The following MAST2 variants were observed in gnomAD, a reference collection of about 807,000 sequenced individuals.
The protein encoded by MAST2 is microtubule associated serine/threonine kinase 2, also known as microtubule-associated serine/threonine-protein kinase 2.
Under a neutral mutation model 147.4 loss-of-function variants are expected in MAST2, and 70 were observed. The observed-to-expected ratio is 0.47, with a 90% confidence interval of 0.39 to 0.58. MAST2 has a LOEUF of 0.58. Among genes scored for constraint, MAST2 ranks in the 20% least tolerant of loss-of-function variants. The pLI, the probability that MAST2 is intolerant of heterozygous loss-of-function variation, is 0.00. For synonymous variants in MAST2, 869 were observed against 896.8 expected (o/e 0.97, Z 0.55); for missense variants, 2,080 against 2,302.3 (o/e 0.90, Z 1.98).
rs115903927 is a variant in MAST2, at chr1:45,944,729, C to T, written c.501-14657C>T. The stretch of plus-strand genomic sequence containing the variant: ...AACTCAGAGTGATTATTTTCTAGTC[C>T]CCTTGCATATTTATTTGCCATCATG... On this transcript the variant is annotated intron_variant, in intron 4 of 28. Coordinates refer to ENST00000361297, the MANE Select transcript of MAST2 (RefSeq NM_015112.3). Among the ~76,000 whole-genome samples, 359 of 152,216 alleles carry T rather than the reference C, an allele frequency of 2.4e-3. 2 individuals are homozygous for T. Among genetic ancestry groups the T allele is most frequent in the African/African-American group, 8.4e-3 (350 of 41,530 alleles).
At chr1:45,929,624 A>G (rs964290878) in intron 4 of MAST2, among the ~76,000 whole-genome samples, 1 of 152,310 alleles carries the variant, frequency 6.6e-6, no homozygotes, top group Non-Finnish European at 1.5e-5. Context: ...GCTGATCCTG[A>G]TGGCCTCATT....
intron 3 of MAST2, among the ~76,000 whole-genome samples, chr1:45,872,354 G>A (rs948672725): frequency 4.6e-5 from 7 of 152,078 alleles, no homozygotes; most frequent in Non-Finnish European, 1.0e-4. Flanking sequence ...TGGGGGTAGC[G>A]GTTACTGCCT....
At chr1:45,849,530 CTTTTT>C (rs71062718) in intron 3 of MAST2, among the ~76,000 whole-genome samples, 2 of 138,632 alleles carry the variant, frequency 1.4e-5, no homozygotes, top group Non-Finnish European at 3.2e-5. Context: ...CCCCTCTTTT[CTTTTT>C]TTTTTTTTTG....
Position 46,034,772 on chromosome 1 carries a change from G to T in MAST2, c.4103G>T (p.Gly1368Val), listed in dbSNP as rs372563937. Residue 1368 changes from glycine to valine, a missense_variant, in exon 29 of 29, where the codon GGC (glycine) becomes GTC (valine). Transcript: ENST00000361297. ...CAGCGGTCCCCATCGCCCCTGTCTGGCCATGTAGCCCAGGCCTTTCCCACA... is the reference window on the plus strand; with the variant it reads ...CAGCGGTCCCCATCGCCCCTGTCTGTCCATGTAGCCCAGGCCTTTCCCACA... Reference protein sequence around the residue: ...SPQRSPSPLSGHVAQAFPTKL... With the variant: ...SPQRSPSPLSVHVAQAFPTKL... 6.2e-7 allele frequency: 1 copy of T among 1,613,820 alleles called. No homozygotes were observed. The highest frequency in any genetic ancestry group is 8.5e-7 in the Non-Finnish European group (1 of 1,180,024).
At chr1:45,860,877 T>G (rs902068864) in intron 3 of MAST2, among the ~76,000 whole-genome samples, 4 of 152,264 alleles carry the variant, frequency 2.6e-5, no homozygotes, top group East Asian at 1.9e-4. Flanking sequence ...TGCTATTATC[T>G]TTGTTATTTT....
intron 3 of MAST2, among the ~76,000 whole-genome samples, chr1:45,842,472 C>T (rs1256852829): frequency 3.9e-5 from 6 of 152,110 alleles, no homozygotes; most frequent in Non-Finnish European, 7.4e-5. Context: ...GCCCTTTCTC[C>T]CCACTCCCCT....
Position 46,002,892 on chromosome 1 carries a change from C to A in MAST2, c.747+9C>A, listed in dbSNP as rs1327313732. The A allele has an allele frequency of 6.2e-7, 1 of 1,613,512 alleles. No individual in the cohort carries two copies. Among genetic ancestry groups the A allele is most frequent in the East Asian group, 2.2e-5 (1 of 44,868 alleles). ...CTAGCTCCACTGTCTCAGTAAGTAG[C>A]CAAATCTGTGGCCATACTTCCTTCA... is the stretch of plus-strand genomic sequence containing the variant. On this transcript the variant is annotated intron_variant, in intron 7 of 28. Transcript: ENST00000361297.
chr1:45,846,054 C>T (rs1645423861), intron 3 of MAST2, among the ~76,000 whole-genome samples: 1 of 152,186 alleles, frequency 6.6e-6, no homozygotes, highest in African/African-American at 2.4e-5. Context: ...GCCACTGTGC[C>T]TGGCCTCTTT....
intron 3 of MAST2, among the ~76,000 whole-genome samples, chr1:45,840,378 A>G (rs1252628217): frequency 6.6e-6 from 1 of 152,212 alleles, no homozygotes; most frequent in Non-Finnish European, 1.5e-5. Flanking sequence ...TACTCAAGAA[A>G]ATATATTTGA....
chr1:45,847,811 C>T (rs1381996043), intron 3 of MAST2, among the ~76,000 whole-genome samples: 1 of 152,162 alleles, frequency 6.6e-6, no homozygotes, highest in Admixed American at 6.5e-5. Flanking sequence ...GCCTCAGCTT[C>T]CCAAAGGGTG....
chr1:45,846,040 A>G (rs1329926256), intron 3 of MAST2, among the ~76,000 whole-genome samples: 1 of 152,196 alleles, frequency 6.6e-6, no homozygotes, highest in Non-Finnish European at 1.5e-5. Flanking sequence ...GATTACAGGC[A>G]TGAGCCACTG....
rs145392706 is a variant in MAST2, at chr1:45,826,688, A to G, written c.325+2108A>G. Among the ~76,000 whole-genome samples, 137 of 152,214 alleles carry G rather than the reference A, an allele frequency of 9.0e-4. 1 individual carries two copies. Among genetic ancestry groups the G allele is most frequent in the African/African-American group, 3.1e-3 (130 of 41,536 alleles). On this transcript the variant is annotated intron_variant, in intron 2 of 28. Transcript: ENST00000361297. Reference sequence around the variant, plus strand: ...AATTGCAATCCCCTCCATGCTTACTATAGCTTATACCTTTCTTTGCCCAGT... The same window carrying G: ...AATTGCAATCCCCTCCATGCTTACTGTAGCTTATACCTTTCTTTGCCCAGT...
intron 4 of MAST2, among the ~76,000 whole-genome samples, chr1:45,883,923 T>G (rs1417264561): frequency 1.7e-4 from 2 of 11,460 alleles, no homozygotes; most frequent in Admixed American, 1.1e-3. Context: ...CCCCCCCCGC[T>G]TTTTTTTGGT....
At chr1:45,965,669 A>G (rs1661080476) in intron 5 of MAST2, among the ~76,000 whole-genome samples, 1 of 152,074 alleles carries the variant, frequency 6.6e-6, no homozygotes. Context: ...CAGTAATGTC[A>G]GTTCAGTAGG....
At chr1:45,903,436 TAACTTAGCA>T (rs1650143669) in intron 4 of MAST2, among the ~76,000 whole-genome samples, 1 of 152,188 alleles carries the variant, frequency 6.6e-6, no homozygotes, top group South Asian at 2.1e-4. Context: ...GGCCTAAACT[TAACTTAGCA>T]GTCTAAACAC....
intron 4 of MAST2, among the ~76,000 whole-genome samples, chr1:45,887,586 T>C (rs2148357885): frequency 6.6e-6 from 1 of 152,308 alleles, no homozygotes; most frequent in South Asian, 2.1e-4. Flanking sequence ...GGATGTGATG[T>C]GTCAAACTTT....
At chr1:45,956,683 T>C (rs1340014967) in intron 4 of MAST2, among the ~76,000 whole-genome samples, 1 of 152,220 alleles carries the variant, frequency 6.6e-6, no homozygotes, top group Non-Finnish European at 1.5e-5. Flanking sequence ...GTGAGTCCTG[T>C]TTTAGCCACG....
intron 4 of MAST2, among the ~76,000 whole-genome samples, chr1:45,915,809 A>G (rs1315496594): frequency 2.0e-5 from 3 of 152,104 alleles, no homozygotes; most frequent in Admixed American, 2.0e-4. Context: ...ATTTTATGTG[A>G]TAAGACTTAA....
chr1:45,858,928 G>A (rs1645886532), intron 3 of MAST2, among the ~76,000 whole-genome samples: 1 of 152,044 alleles, frequency 6.6e-6, no homozygotes, highest in South Asian at 2.1e-4. Flanking sequence ...GTAGATGTGT[G>A]GTATTATTTC....
Sources: gnomAD v4.1 joint callset for allele counts (sites outside exome capture counted in the v4.1 genomes callset) on GRCh38, gnomAD v4.1.1 for gene constraint, MANE v1.5 for transcripts, NCBI Gene and HGNC (gene_info 2026-07-23, HGNC 2026-07-21) for gene names.